Variants in BCAS3 observed in about 807,000 individuals in gnomAD.
BCAS3 encodes the protein BCAS4/BCAS3 fusion.
BCAS3 carries 53 observed loss-of-function variants against 116.1 expected under a neutral mutation model. That is an observed-to-expected ratio of 0.46 (90% CI 0.37 to 0.57). The LOEUF is 0.57. Among genes scored for constraint, BCAS3 ranks in the 20% least tolerant of loss-of-function variants. The pLI is 0.00. For missense variants in BCAS3, 917 were observed against 1,165.4 expected (o/e 0.79, Z 3.10); for synonymous variants, 391 against 408.2 (o/e 0.96, Z 0.51).
rs1304425460 is a variant in BCAS3 at position 61,180,239 on chromosome 17, C to G, written c.2425+95675C>G. ...TACATTTTTATATTAATCCCAAGAG[C>G]TTTCTAATATTCTTTTCTCATTCTA... On this transcript the variant is annotated intron_variant, in intron 22 of 23. Transcript: ENST00000407086. The surrounding 1 kb of genome is among the most constrained non-coding windows in gnomAD (Gnocchi z 6.0). 6.6e-6 allele frequency among the ~76,000 whole-genome samples: 1 copy of G among 152,132 alleles called. No homozygotes were observed. The highest frequency in any genetic ancestry group is 1.5e-5 in the Non-Finnish European group (1 of 68,016).
intron 6 of BCAS3, among the ~76,000 whole-genome samples, chr17:60,796,080 C>T (rs1261988768): frequency 6.6e-6 from 1 of 152,194 alleles, no homozygotes; most frequent in African/African-American, 2.4e-5. Flanking sequence ...ATATGAAACC[C>T]ACTTGATCAT....
intron 16 of BCAS3, among the ~76,000 whole-genome samples, chr17:61,027,756 A>G (rs1380436649): frequency 6.6e-6 from 1 of 151,802 alleles, no homozygotes; most frequent in African/African-American, 2.4e-5. Context: ...TATTAAATGT[A>G]CCTATGTAAT....
chr17:61,074,293 G>T (rs933200444), intron 19 of BCAS3, among the ~76,000 whole-genome samples: 1 of 151,820 alleles, frequency 6.6e-6, no homozygotes, highest in Admixed American at 6.6e-5. Flanking sequence ...TGAGTGAGTC[G>T]TAGCTTCCAA....
intron 7 of BCAS3, chr17:60,811,029 G>T (rs935917247): frequency 4.6e-5 from 30 of 655,658 alleles, no homozygotes; most frequent in Admixed American, 3.3e-4. Context: ...AGTCTGCCGA[G>T]GTTGGAGCTG....
In BCAS3 at chr17:60,861,302, C is replaced by T. The variant is rs562300223; in HGVS notation, c.477-7274C>T. Among the ~76,000 whole-genome samples, 5 of 152,162 alleles carry T rather than the reference C, an allele frequency of 3.3e-5. No homozygotes were observed. The South Asian group carries it at 1.0e-3, about 32-fold the overall frequency. ...ATTTGGCTCTCAGCTGGGATATTAT[C>T]GATGTATAGACATGCTGTTGATTTT... On this transcript the variant is annotated intron_variant, in intron 7 of 23. Transcript: ENST00000407086.
rs888015917 is a variant in BCAS3 at position 61,051,420 on chromosome 17, A to T, written c.2029+10528A>T. 6.6e-6 allele frequency among the ~76,000 whole-genome samples: 1 copy of T among 152,120 alleles called. No individual in the cohort carries two copies. Among genetic ancestry groups the T allele is most frequent in the Non-Finnish European group, 1.5e-5 (1 of 68,020 alleles). On this transcript the variant is annotated intron_variant, in intron 19 of 23. Coordinates refer to ENST00000407086, the MANE Select transcript of BCAS3 (RefSeq NM_017679.5). The surrounding 1 kb of genome is among the most constrained non-coding windows in gnomAD (Gnocchi z 4.1). ...TTACACATGTGATAAAATTGAATAGACCCTCACACACATAAATTGAGTGTA... is the reference window on the plus strand; with the variant it reads ...TTACACATGTGATAAAATTGAATAGTCCCTCACACACATAAATTGAGTGTA...
intron 19 of BCAS3, among the ~76,000 whole-genome samples, chr17:61,055,945 GTT>G (rs1318958369): frequency 2.0e-5 from 3 of 152,146 alleles, no homozygotes; most frequent in Non-Finnish European, 4.4e-5. Flanking sequence ...TTTCAAAAGT[GTT>G]TGCCAAATCT....
rs967185102 is a variant in BCAS3 at position 61,132,457 on chromosome 17, C to T, written c.2425+47893C>T. 6.6e-6 allele frequency among the ~76,000 whole-genome samples: 1 copy of T among 152,226 alleles called. No individual in the cohort carries two copies. Among genetic ancestry groups the T allele is most frequent in the Non-Finnish European group, 1.5e-5 (1 of 68,044 alleles). ...CTGTGGCCATGTGAGCTATAATCTA[C>T]TGCCCTGGTCAAACTTAACCAAAAT... On this transcript the variant is annotated intron_variant, in intron 22 of 23. Coordinates refer to ENST00000407086, the MANE Select transcript of BCAS3 (RefSeq NM_017679.5). The surrounding 1 kb of genome is among the most constrained non-coding windows in gnomAD (Gnocchi z 5.1).
chr17:60,799,677 C>T (rs565977838), intron 6 of BCAS3, among the ~76,000 whole-genome samples: 13 of 144,718 alleles, frequency 9.0e-5, no homozygotes, highest in South Asian at 2.2e-4. Flanking sequence ...TACAGGTGCG[C>T]GCCACTACGC....
chr17:61,032,297 G>C lies in BCAS3; in HGVS notation c.1638-2369G>C, dbSNP rs2066702072. On this transcript the variant is annotated intron_variant, in intron 16 of 23. Transcript: ENST00000407086. The surrounding 1 kb of genome is among the most constrained non-coding windows in gnomAD (Gnocchi z 4.6). ...TGAGTTTGTCCCAATGAAGCTTGTT[G>C]GTACATTGTAGTAGCTTTGTTCTCT... Among the ~76,000 whole-genome samples, 1 of 152,092 alleles carries C rather than the reference G, an allele frequency of 6.6e-6. No individual in the cohort carries two copies. Among genetic ancestry groups the C allele is most frequent in the Non-Finnish European group, 1.5e-5 (1 of 67,980 alleles).
At chr17:61,240,107 A>ACAGCAGCAG (rs59917361) in intron 22 of BCAS3, among the ~76,000 whole-genome samples, 25 of 151,802 alleles carry the variant, frequency 1.6e-4, no homozygotes, top group African/African-American at 4.6e-4. Context: ...TGCTGTCTCA[A>ACAGCAGCAG]CAGCAGCAGC....
At chr17:60,786,046 C>A (rs1444562755) in intron 6 of BCAS3, among the ~76,000 whole-genome samples, 1 of 152,198 alleles carries the variant, frequency 6.6e-6, no homozygotes. Context: ...GAGACTTGAG[C>A]ATCTGCAGAT....
Position 61,326,950 on chromosome 17 carries a change from C to T in BCAS3, c.2426-41377C>T, listed in dbSNP as rs2055777392. Among the ~76,000 whole-genome samples the T allele has an allele frequency of 6.6e-6, 1 of 151,942 alleles. No homozygotes were observed. ...GAGGAAGAAAAGAAAAAAGAAATAA[C>T]AAATAGTAGAAGGAAAAATATTTTT... On this transcript the variant is annotated intron_variant, in intron 22 of 23. Transcript: ENST00000407086. This position sits in a 1 kb window ranked among gnomAD's most constrained non-coding sequence, Gnocchi z 5.3.
rs544648104 is a variant in BCAS3, at chr17:60,919,347, G to A, written c.994-5060G>A. Reference sequence around the variant, plus strand: ...CTTCTAATTTTTTTTTTCTTGAGACGAAGTCTCGGTCTGTTGCCAGGTTGG... The same window carrying A: ...CTTCTAATTTTTTTTTTCTTGAGACAAAGTCTCGGTCTGTTGCCAGGTTGG... On this transcript the variant is annotated intron_variant, in intron 12 of 23. Coordinates refer to ENST00000407086, the MANE Select transcript of BCAS3 (RefSeq NM_017679.5). Among the ~76,000 whole-genome samples, 15 of 151,908 alleles carry A rather than the reference G, an allele frequency of 9.9e-5. No individual in the cohort carries two copies. In the East Asian group the frequency reaches 1.2e-3, roughly 12 times the overall value.
chr17:60,963,631 C>G (rs1158801547), intron 14 of BCAS3, among the ~76,000 whole-genome samples: 3 of 150,636 alleles, frequency 2.0e-5, no homozygotes, highest in African/African-American at 7.4e-5. Flanking sequence ...TCTCAGCTCA[C>G]TGCAAGCTCC....
rs1226633481 is a variant in BCAS3 at position 61,069,797 on chromosome 17, C to T, written c.2030-5123C>T. Reference sequence around the variant, plus strand: ...GCTGCAGTGAGCCGAGATCATGCCACTGCACTCCAGCCTGGGTAACAGAGT... The same window carrying T: ...GCTGCAGTGAGCCGAGATCATGCCATTGCACTCCAGCCTGGGTAACAGAGT... On this transcript the variant is annotated intron_variant, in intron 19 of 23. Transcript: ENST00000407086. 21 of 696,756 alleles carry T rather than the reference C, an allele frequency of 3.0e-5. 1 individual carries two copies. The South Asian group carries it at 3.2e-4, about 10-fold the overall frequency. 43.2% of individuals were successfully genotyped at this position (696,756 alleles called of 1,614,324 possible). A position where few individuals can be genotyped will look rare whatever the true frequency, so the allele number is the denominator to read the frequency against.
chr17:61,102,593 A>G (rs1391519475), intron 22 of BCAS3, among the ~76,000 whole-genome samples: 1 of 152,172 alleles, frequency 6.6e-6, no homozygotes, highest in South Asian at 2.1e-4. Context: ...CATGTTTTAC[A>G]TAGCTTGTTG....
chr17:60,806,555 CTTT>C (rs536450898), intron 6 of BCAS3, among the ~76,000 whole-genome samples: 1 of 142,596 alleles, frequency 7.0e-6, no homozygotes, highest in Non-Finnish European at 1.5e-5. Flanking sequence ...TCTTCTTAAT[CTTT>C]TTTTTTTTTT....
chr17:61,081,762 T>C (rs1176725348), intron 21 of BCAS3, among the ~76,000 whole-genome samples: 1 of 152,204 alleles, frequency 6.6e-6, no homozygotes. Flanking sequence ...AACCCAACTA[T>C]TGAGATTCTC....
Sources: gnomAD v4.1 joint callset for allele counts (sites outside exome capture counted in the v4.1 genomes callset) on GRCh38, gnomAD v4.1.1 for gene constraint, Gnocchi (gnomAD v3.1) non-coding constraint, MANE v1.5 for transcripts, NCBI Gene and HGNC (gene_info 2026-07-23, HGNC 2026-07-21) for gene names.